Variants in RALGPS1 observed in about 807,000 individuals in gnomAD.
RALGPS1 encodes Ral GEF with PH domain and SH3 binding motif 1, also known as ras-specific guanine nucleotide-releasing factor RalGPS1.
RALGPS1 carries 19 observed loss-of-function variants against 78.8 expected under a neutral mutation model. That is an observed-to-expected ratio of 0.24 (90% CI 0.17 to 0.35). RALGPS1 has a LOEUF of 0.35. Among genes scored for constraint, RALGPS1 ranks in the 10% least tolerant of loss-of-function variants. The probability of loss-of-function intolerance (pLI) is 1.00; values close to 1 mark genes in which losing one functional copy is unlikely to be tolerated. For missense variants in RALGPS1, 454 were observed against 688.3 expected, an observed-to-expected ratio of 0.66 and a Z score of 3.81; for synonymous variants, 228 against 256.3, an observed-to-expected ratio of 0.89 and a Z score of 1.06.
intron 1 of RALGPS1, among the ~76,000 whole-genome samples, chr9:126,961,220 G>A (rs1023750434): frequency 1.3e-5 from 2 of 152,170 alleles, no homozygotes; most frequent in African/African-American, 4.8e-5. Context: ...GCCAGAAGAA[G>A]GGACATTTGA....
At chr9:127,132,821 T>A (rs2057098306) in intron 8 of RALGPS1, among the ~76,000 whole-genome samples, 1 of 152,242 alleles carries the variant, frequency 6.6e-6, no homozygotes, top group Non-Finnish European at 1.5e-5. Flanking sequence ...GTGCCTGCCA[T>A]ATAGTAAGTA....
At chr9:126,915,326 G>GCGC (rs2034013372) in intron 1 of RALGPS1, 5 of 141,238 alleles carry the variant, frequency 3.5e-5, no homozygotes, top group Admixed American at 1.4e-4. Context: ...CAGGTGCGGG[G>GCGC]GGCGGGGCCG....
intron 8 of RALGPS1, among the ~76,000 whole-genome samples, chr9:127,161,451 G>A (rs898553866): frequency 6.6e-6 from 1 of 152,236 alleles, no homozygotes; most frequent in African/African-American, 2.4e-5. Flanking sequence ...GAGAGCCTGG[G>A]TTCCGAGTCT....
At chr9:126,946,818 T>C (rs997553946) in intron 1 of RALGPS1, among the ~76,000 whole-genome samples, 2 of 152,106 alleles carry the variant, frequency 1.3e-5, no homozygotes, top group Non-Finnish European at 2.9e-5. Flanking sequence ...TCCCCTGGCC[T>C]CCCAGTTTCC....
chr9:126,939,622 G>C (rs1481573943), intron 1 of RALGPS1, among the ~76,000 whole-genome samples: 3 of 152,362 alleles, frequency 2.0e-5, no homozygotes, highest in South Asian at 2.1e-4. Context: ...TAGAAGCCAA[G>C]AGGCACTTGC....
chr9:127,209,651 CCAT>C (rs372039912), intron 14 of RALGPS1, among the ~76,000 whole-genome samples: 7 of 152,302 alleles, frequency 4.6e-5, no homozygotes, highest in African/African-American at 1.7e-4. Context: ...TCCCAGCTAA[CCAT>C]CAGACTCCCA....
intron 1 of RALGPS1, among the ~76,000 whole-genome samples, chr9:126,917,612 C>T (rs1488438395): frequency 6.6e-6 from 1 of 152,288 alleles, no homozygotes; most frequent in East Asian, 1.9e-4. Context: ...GCAAGGATAA[C>T]CATGCCCACC....
intron 11 of RALGPS1, among the ~76,000 whole-genome samples, chr9:127,191,786 C>T (rs2061063972): frequency 6.6e-6 from 1 of 151,224 alleles, no homozygotes; most frequent in East Asian, 1.9e-4. Flanking sequence ...CAAGCTCTGC[C>T]TCCCAGGTTC....
intron 11 of RALGPS1, among the ~76,000 whole-genome samples, chr9:127,190,932 G>A (rs2060994226): frequency 6.6e-6 from 1 of 152,060 alleles, no homozygotes; most frequent in African/African-American, 2.4e-5. Flanking sequence ...TTTACCATCT[G>A]TTGTAATAAA....
At chr9:127,124,948 CAGT>C (rs933171389) in intron 8 of RALGPS1, among the ~76,000 whole-genome samples, 3 of 152,194 alleles carry the variant, frequency 2.0e-5, no homozygotes, top group Non-Finnish European at 4.4e-5. Flanking sequence ...AGGATCCCCT[CAGT>C]GGAGAAGGAG....
chr9:127,048,654 G>A (rs2048026985), intron 5 of RALGPS1, among the ~76,000 whole-genome samples: 2 of 152,216 alleles, frequency 1.3e-5, no homozygotes, highest in Non-Finnish European at 2.9e-5. Flanking sequence ...TCTTTGACAT[G>A]CAGGAATCTA....
chr9:127,195,634 C>T (rs965665222), intron 12 of RALGPS1, among the ~76,000 whole-genome samples: 2 of 152,228 alleles, frequency 1.3e-5, no homozygotes, highest in African/African-American at 4.8e-5. Context: ...AGTGAACCTG[C>T]TGGCTCATCA....
intron 8 of RALGPS1, among the ~76,000 whole-genome samples, chr9:127,090,434 G>A (rs1216822007): frequency 3.3e-5 from 5 of 152,210 alleles, no homozygotes; most frequent in Non-Finnish European, 5.9e-5. Context: ...CCTCTTCCAG[G>A]GCCCCTTCGG....
chr9:126,938,754 C>T (rs1330849809), intron 1 of RALGPS1, among the ~76,000 whole-genome samples: 1 of 152,150 alleles, frequency 6.6e-6, no homozygotes, highest in Non-Finnish European at 1.5e-5. Context: ...ACACACTTCA[C>T]GACAAATGTT....
chr9:127,022,635 A>G (rs141654200), intron 4 of RALGPS1, among the ~76,000 whole-genome samples: 1 of 151,918 alleles, frequency 6.6e-6, no homozygotes, highest in South Asian at 2.1e-4. Context: ...TGCTCCAGCC[A>G]TGGGCTACCT....
At chr9:127,158,904 C>T (rs984524724) in intron 8 of RALGPS1, among the ~76,000 whole-genome samples, 2 of 151,678 alleles carry the variant, frequency 1.3e-5, no homozygotes, top group African/African-American at 4.8e-5. Flanking sequence ...TGTTTTTACC[C>T]ATGGGACAGA....
chr9:127,197,123 G>T (rs1008432196), intron 13 of RALGPS1, among the ~76,000 whole-genome samples: 2 of 152,206 alleles, frequency 1.3e-5, no homozygotes, highest in Admixed American at 6.5e-5. Flanking sequence ...GATATTCAGG[G>T]ATGAAATTGC....
At chr9:127,104,706 A>G (rs2054050492) in intron 8 of RALGPS1, among the ~76,000 whole-genome samples, 1 of 152,264 alleles carries the variant, frequency 6.6e-6, no homozygotes, top group South Asian at 2.1e-4. Flanking sequence ...ATAAGCAGCC[A>G]TGGCTCCCTT....
At chr9:127,130,129 A>G (rs1244479046) in intron 8 of RALGPS1, among the ~76,000 whole-genome samples, 1 of 152,236 alleles carries the variant, frequency 6.6e-6, no homozygotes, top group Admixed American at 6.5e-5. Flanking sequence ...GGAGTCAGCT[A>G]GGCTTGGGTT....
Sources: allele counts gnomAD v4.1 joint callset (sites outside exome capture counted in the v4.1 genomes callset), GRCh38; gene constraint gnomAD v4.1.1; transcripts MANE v1.5; gene names NCBI Gene and HGNC (gene_info 2026-07-23, HGNC 2026-07-21).